The following HAL variants were observed in gnomAD, a reference collection of about 807,000 sequenced individuals.
The protein encoded by HAL is histidase.
HAL carries 85 observed loss-of-function variants against 81.1 expected under a neutral mutation model. The observed-to-expected ratio is 1.05, with a 90% CI of 0.88 to 1.25. HAL has a LOEUF of 1.25. Ranked by LOEUF, HAL falls within the 50% of genes most tolerant of loss-of-function variation. The probability of loss-of-function intolerance (pLI) is 0.00; values close to 1 mark genes in which losing one functional copy is unlikely to be tolerated. For missense variants in HAL, 798 were observed against 836.6 expected, an observed-to-expected ratio of 0.95 and a Z score of 0.57; for synonymous variants, 301 against 309.2, an observed-to-expected ratio of 0.97 and a Z score of 0.28.
rs187425933 is a variant in HAL, at chr12:95,982,920, A to C, written c.1287+991T>G. Among the ~76,000 whole-genome samples, 292 of 152,330 alleles carry C rather than the reference A, an allele frequency of 1.9e-3. 1 individual carries two copies. Among genetic ancestry groups the C allele is most frequent in the Non-Finnish European group, 3.2e-3 (220 of 68,018 alleles). The stretch of plus-strand genomic sequence containing the variant: ...AGTGTGACTCCTGACTGATCACCTC[A>C]ACATCTGGGGAACTGAGCCATCATG... On this transcript the variant is annotated intron_variant, in intron 15 of 20. Transcript: ENST00000261208.
chr12:95,990,318 G>T, intron 10 of HAL, 75 bp downstream of exon 10: 2 of 1,177,150 alleles, frequency 1.7e-6, no homozygotes, highest in Non-Finnish European at 1.3e-6. Flanking sequence ...AGGACTAGGT[G>T]ATACGAAGCA....
intron 20 of HAL, among the ~76,000 whole-genome samples, chr12:95,975,771 T>A (rs1247833201): frequency 1.3e-5 from 2 of 152,152 alleles, no homozygotes; most frequent in Admixed American, 1.3e-4. Context: ...GAAAAATCAC[T>A]GCCCCAGAGC....
At chr12:95,976,764 A>T in intron 18 of HAL, 58 bp from the exon 19 acceptor site, 1 of 1,124,884 alleles carries the variant, frequency 8.9e-7, no homozygotes, top group Non-Finnish European at 1.3e-6. Flanking sequence ...TGCTTAAGGA[A>T]TGTGGATTTC....
chr12:95,993,466 G>C lies in HAL; in HGVS notation c.574C>G (p.Arg192Gly), dbSNP rs749621956. 6.9e-6 allele frequency: 11 copies of C among 1,603,578 alleles called. No homozygotes were observed. Among genetic ancestry groups the C allele is most frequent in the African/African-American group, 2.7e-5 (2 of 74,724 alleles). The change falls in exon 8 of 21, where the codon CGC (arginine) becomes GGC (glycine). Residue 192 changes from arginine to glycine, a missense_variant. Arg to Gly is a moderately radical substitution (Grantham distance 125). Transcript: ENST00000261208. ...KLQELQVNLV[R>G]SHSSGVGKPL... Reference sequence around the variant, plus strand: ...TTTGACTTACCTGAAGAATGTGAGCGTACTAAGTTGACCTGAAGCTCCCTG... The same window carrying C: ...TTTGACTTACCTGAAGAATGTGAGCCTACTAAGTTGACCTGAAGCTCCCTG...
chr12:95,984,010 A>T lies in HAL; in HGVS notation c.1207-19T>A. The T allele has an allele frequency of 1.6e-6, 2 of 1,261,128 alleles. No homozygotes were observed. Among genetic ancestry groups the T allele is most frequent in the Non-Finnish European group, 2.3e-6 (2 of 859,250 alleles). The allele number at this position is 1,261,128 out of a possible 1,614,324, so 78.1% of individuals were successfully genotyped here. On this transcript the variant is annotated intron_variant, in intron 14 of 20. Transcript: ENST00000261208. Reference sequence around the variant, plus strand: ...CATGGACCTAAAATACAATCAAAATAAGGTATATGACCCATTTGATTACCT... The same window carrying T: ...CATGGACCTAAAATACAATCAAAATTAGGTATATGACCCATTTGATTACCT...
rs767277488 is a variant in HAL at position 95,978,055 on chromosome 12, G to A, written c.1543C>T (p.His515Tyr). 2 of 1,613,644 alleles carry A rather than the reference G, an allele frequency of 1.2e-6. No homozygotes were observed. The highest frequency in any genetic ancestry group is 3.3e-5 in the Admixed American group (2 of 60,036). ...ALVSENKALC[H>Y]PSSVDSLSTS... is the part of the protein sequence containing the mutation. Reference sequence around the variant, plus strand: ...GAGAGGGAGTCAACAGACGAGGGATGGCACAGAGCCTTGTTCTCAGAAACT... The same window carrying A: ...GAGAGGGAGTCAACAGACGAGGGATAGCACAGAGCCTTGTTCTCAGAAACT... The change falls in exon 18 of 21, where the codon CAT becomes TAT. Residue 515 changes from histidine to tyrosine, a missense_variant. His to Tyr is a moderately conservative substitution (Grantham distance 83, BLOSUM62 2). Transcript: ENST00000261208.
In HAL at chr12:95,980,902, G is replaced by A. The variant is rs773122389; in HGVS notation, c.1288-39C>T. 3.3e-6 allele frequency: 4 copies of A among 1,214,650 alleles called. No homozygotes were observed. The South Asian group carries it at 3.6e-5, about 11-fold the overall frequency. The allele number at this position is 1,214,650 out of a possible 1,614,324, so 75.2% of individuals were successfully genotyped here. A position where few individuals can be genotyped will look rare whatever the true frequency, so the allele number is the denominator to read the frequency against. On this transcript the variant is annotated intron_variant, in intron 15 of 20. Coordinates refer to ENST00000261208, the MANE Select transcript of HAL (RefSeq NM_002108.4). ...TTAAGGCTTGAAGATAATGTTTGCT[G>A]GTCACTTCAAGTACAACCCCTTCCT...
chr12:95,993,907 CATAAAG>C lies in HAL; in HGVS notation c.484+13_484+18del, dbSNP rs1161950457. The C allele has an allele frequency of 1.3e-6, 2 of 1,511,526 alleles. No individual in the cohort carries two copies. The highest frequency in any genetic ancestry group is 1.7e-5 in the Admixed American group (1 of 59,894). 93.6% of individuals were successfully genotyped at this position (1,511,526 alleles called of 1,614,324 possible). On this transcript the variant is annotated intron_variant, in intron 6 of 20. Transcript: ENST00000261208. ...TGTTTGTTTATAAAAATATTTATAA[CATAAAG>C]ATAAAAAGATACCTGTTTTCTCTTT... is the stretch of plus-strand genomic sequence containing the variant.
At chr12:95,974,657 C>T (rs574542036) in intron 20 of HAL, among the ~76,000 whole-genome samples, 56 of 152,292 alleles carry the variant, frequency 3.7e-4, no homozygotes, top group African/African-American at 1.3e-3. Flanking sequence ...TAACAAAACC[C>T]AGAGAATTCA....
chr12:95,994,500 G>A (rs574264123), intron 4 of HAL, among the ~76,000 whole-genome samples: 6 of 152,032 alleles, frequency 3.9e-5, no homozygotes, highest in East Asian at 1.9e-4. Flanking sequence ...AGCAATTCTC[G>A]TGCCTCAGGC....
rs2080678616 is a variant in HAL at position 95,973,507 on chromosome 12, T to C, written c.*725A>G. 6.6e-6 allele frequency: 1 copy of C among 152,344 alleles called. No individual in the cohort carries two copies. The highest frequency in any genetic ancestry group is 2.4e-5 in the African/African-American group (1 of 41,578). The allele number at this position is 152,344 out of a possible 1,614,324, so 9.4% of individuals were successfully genotyped here. A position where few individuals can be genotyped will look rare whatever the true frequency, so the allele number is the denominator to read the frequency against. The stretch of plus-strand genomic sequence containing the variant: ...AAAATACTAACCTCAAACTCCCATG[T>C]AAGCATTTGGGGGATACGTGTAGTG... On this transcript the variant is annotated 3_prime_UTR_variant, in exon 21 of 21. Transcript: ENST00000261208.
chr12:95,973,928 C>T lies in HAL; in HGVS notation c.*304G>A, dbSNP rs1022255736. The T allele has an allele frequency of 3.1e-6, 1 of 319,040 alleles. No homozygotes were observed. Among genetic ancestry groups the T allele is most frequent in the African/African-American group, 2.1e-5 (1 of 48,134 alleles). The allele number at this position is 319,040 out of a possible 1,614,324, so 19.8% of individuals were successfully genotyped here. A position where few individuals can be genotyped will look rare whatever the true frequency, so the allele number is the denominator to read the frequency against. On this transcript the variant is annotated 3_prime_UTR_variant, in exon 21 of 21. Transcript: ENST00000261208. The stretch of plus-strand genomic sequence containing the variant: ...TCTAATGCTAAGAGTAAAAAACAGG[C>T]ACATACAATTGTGGTTATTCTTCTC...
At chr12:95,982,555 G>A (rs73216216) in intron 15 of HAL, among the ~76,000 whole-genome samples, 21,752 of 152,264 alleles carry the variant, frequency 0.14, 2,017 homozygotes, top group Non-Finnish European at 0.22. Context: ...TATTCCATCT[G>A]GGGGATGGGG....
chr12:95,995,166 A>G (rs1209048356), intron 2 of HAL, 173 bp from the exon 3 acceptor site: 1 of 669,964 alleles, frequency 1.5e-6, no homozygotes, highest in Non-Finnish European at 2.7e-6. Context: ...GGAGAGCAAA[A>G]AGCAGAAAGG....
At chr12:95,994,043 G>T in intron 5 of HAL, 45 bp from the exon 6 acceptor site, 1 of 1,591,848 alleles carries the variant, frequency 6.3e-7, no homozygotes, top group East Asian at 2.2e-5. Context: ...AGACTTCCAC[G>T]GGCAACAAAA....
At chr12:95,979,655 G>C (rs1047780916) in intron 17 of HAL, among the ~76,000 whole-genome samples, 9 of 152,148 alleles carry the variant, frequency 5.9e-5, no homozygotes, top group African/African-American at 2.2e-4. Flanking sequence ...AATTTTTGTA[G>C]TACAAGTATG....
intron 10 of HAL, 117 bp from the exon 11 acceptor site, chr12:95,988,357 G>A (rs1292968589): frequency 1.4e-6 from 1 of 722,626 alleles, no homozygotes; most frequent in Admixed American, 2.0e-5. Flanking sequence ...TATAAGAAAT[G>A]AGACCTACAG....
chr12:95,980,806 G>A lies in HAL; in HGVS notation c.1345C>T (p.Pro449Ser), dbSNP rs2080784120. ...AGTTTTAAAAAGCTTACTTTGGCTG[G>A]GTATTCACCATGGAAGTTTCCTCCA... ...VSGGNFHGEY[P>S]AKALDYLAIG... is the part of the protein sequence containing the mutation. The change falls in exon 16 of 21, where the codon CCA (proline) becomes TCA (serine). Residue 449 changes from proline to serine, a missense_variant. Pro to Ser is a moderately conservative substitution (Grantham distance 74, BLOSUM62 -1). Coordinates refer to ENST00000261208, the MANE Select transcript of HAL (RefSeq NM_002108.4). 1 of 1,593,180 alleles carries A rather than the reference G, an allele frequency of 6.3e-7. No homozygotes were observed. Among genetic ancestry groups the A allele is most frequent in the Non-Finnish European group, 8.6e-7 (1 of 1,161,270 alleles).
chr12:95,988,071 A>C (rs1486836178), intron 11 of HAL, 122 bp downstream of exon 11: 1 of 724,994 alleles, frequency 1.4e-6, no homozygotes, highest in Non-Finnish European at 2.5e-6. Flanking sequence ...TTCTTCAGGG[A>C]TGAACTTTAA....
Sources: gnomAD v4.1 joint callset for allele counts (sites outside exome capture counted in the v4.1 genomes callset) on GRCh38, gnomAD v4.1.1 for gene constraint, MANE v1.5 for transcripts, NCBI Gene and HGNC (gene_info 2026-07-23, HGNC 2026-07-21) for gene names.